CSF2RA: variants seen among roughly 807,000 people sequenced by gnomAD.
CSF2RA encodes granulocyte-macrophage colony-stimulating factor receptor subunit alpha.
A neutral mutation model predicts 51.6 loss-of-function variants in CSF2RA; 42 were observed. The ratio of observed to expected loss-of-function variants is 0.81; its 90% CI spans 0.64 to 1.05. CSF2RA has a LOEUF of 1.05. CSF2RA is among the 50% of genes least tolerant of loss of function. The pLI, the probability that CSF2RA is intolerant of heterozygous loss-of-function variation, is 0.00. For synonymous variants in CSF2RA, 222 were observed against 193.0 expected (o/e 1.15, Z -1.24); for missense variants, 530 against 501.1 (o/e 1.06, Z -0.55).
intron 4 of CSF2RA, among the ~76,000 whole-genome samples, chrX:1,286,964 C>A (rs1308684277): frequency 6.6e-6 from 1 of 151,370 alleles, no homozygotes; most frequent in Admixed American, 6.6e-5. Flanking sequence ...GAGGGAGAAA[C>A]ACAGAGAAAG....
chrX:1,322,549 C>T, the CSF2RA span, among the ~76,000 whole-genome samples: 1 of 144,744 alleles, frequency 6.9e-6, no homozygotes. Flanking sequence ...CCTCCAAGTT[C>T]AGTGCTCATT....
At chrX:1,319,291 C>A in the CSF2RA span, among the ~76,000 whole-genome samples, 1 of 139,266 alleles carries the variant, frequency 7.2e-6, no homozygotes, top group East Asian at 2.3e-4. Flanking sequence ...CCACCATGCC[C>A]GGCCTCCTTT....
chrX:1,276,231 A>G (rs1367148368), intron 2 of CSF2RA, among the ~76,000 whole-genome samples: 2 of 151,350 alleles, frequency 1.3e-5, no homozygotes, highest in African/African-American at 4.9e-5. Flanking sequence ...ACAGGGTTTC[A>G]CTATGTTGGC....
chrX:1,301,638 G>GCC (rs1482845378), intron 10 of CSF2RA, among the ~76,000 whole-genome samples: 7 of 133,244 alleles, frequency 5.3e-5, no homozygotes, highest in Non-Finnish European at 9.2e-5. Context: ...CGCTCTTGTC[G>GCC]CAGGCTGGAG....
chrX:1,303,857 G>A, intron 10 of CSF2RA, 66 bp from the exon 11 acceptor site: 2 of 1,352,384 alleles, frequency 1.5e-6, no homozygotes, highest in Non-Finnish European at 2.1e-6. Context: ...CACCCGAAGA[G>A]ATTTAATTTC....
chrX:1,303,728 T>C (rs1304678100), intron 10 of CSF2RA, among the ~76,000 whole-genome samples, 195 bp from the exon 11 acceptor site: 1 of 152,008 alleles, frequency 6.6e-6, no homozygotes, highest in Non-Finnish European at 1.5e-5. Context: ...GGGCAAAACA[T>C]AGGGCAGGCA....
Position 1,283,383 on chromosome X carries a change from CT to C in CSF2RA, c.76+607del, listed in dbSNP as rs1461446663. ...TCCTTCCTTCTTCCGTCCCTCCCTT[CT>C]TTCTTTCTCTTTCTTCCTTCCCTCC... On this transcript the variant is annotated intron_variant, in intron 3 of 12. Transcript: ENST00000381529. Among the ~76,000 whole-genome samples, 31 of 147,036 alleles carry C rather than the reference CT, an allele frequency of 2.1e-4. 1 individual carries two copies. The highest frequency in any genetic ancestry group is 7.9e-4 in the African/African-American group (31 of 39,142).
At chrX:1,305,576 G>A (rs1393480929) in intron 12 of CSF2RA, 49 bp downstream of exon 12, 2 of 1,613,968 alleles carry the variant, frequency 1.2e-6, no homozygotes, top group Admixed American at 1.7e-5. Context: ...GGTGGGGAGT[G>A]GGGAGCGTGG....
chrX:1,283,482 CTCTCTT>C (rs1481821248), intron 3 of CSF2RA, among the ~76,000 whole-genome samples: 38 of 120,098 alleles, frequency 3.2e-4, no homozygotes, highest in Middle Eastern at 3.9e-3. Flanking sequence ...CCCTCTCTCT[CTCTCTT>C]TCTTTCTTTC....
the CSF2RA span, among the ~76,000 whole-genome samples, chrX:1,323,864 A>C: frequency 8.0e-3 from 1,221 of 151,822 alleles, 14 homozygotes; most frequent in African/African-American, 0.028. Flanking sequence ...AATACAAAAA[A>C]TTAGCCGGGC....
At chrX:1,314,558 G>A (rs1239227609), downstream of CSF2RA, among the ~76,000 whole-genome samples, 10 of 87,854 alleles carry the variant, frequency 1.1e-4, no homozygotes, top group Admixed American at 3.6e-4. Flanking sequence ...CACTGCACCT[G>A]CCCAATCCCA....
intron 12 of CSF2RA, among the ~76,000 whole-genome samples, chrX:1,308,933 A>T (rs1184331685): frequency 6.6e-6 from 1 of 152,186 alleles, no homozygotes; most frequent in Non-Finnish European, 1.5e-5. Flanking sequence ...TCTTTACCCC[A>T]GGAAAAACCC....
intron 6 of CSF2RA, among the ~76,000 whole-genome samples, chrX:1,289,284 C>A (rs1352446576): frequency 6.6e-6 from 1 of 152,104 alleles, no homozygotes; most frequent in Non-Finnish European, 1.5e-5. Flanking sequence ...CACTCCACCA[C>A]ACCTGTCTAA....
chrX:1,288,130 A>G lies in CSF2RA; in HGVS notation c.220-389A>G, dbSNP rs770685801. 4.6e-5 allele frequency among the ~76,000 whole-genome samples: 7 copies of G among 151,982 alleles called. No individual in the cohort carries two copies. In the East Asian group the frequency reaches 1.4e-3, roughly 29 times the overall value. On this transcript the variant is annotated intron_variant, in intron 4 of 12. Transcript: ENST00000381529. ...GTATCCACTCAGAGCCCTCGGAGGA[A>G]GCTTAGGGGGATGATTTCACAAAGG...
At position 1,283,797 on chromosome X, in the gene CSF2RA, TGGCCTCAGGTGATCCCGTGCCTC is replaced by T. The variant is rs1364295045; in HGVS notation, c.76+1025_76+1047del. ...GTTGGCCAGGCTGGTCTCAATCTCC[TGGCCTCAGGTGATCCCGTGCCTC>T]GGCCTCCCAAAGTGCTAGGATTACA... On this transcript the variant is annotated intron_variant, in intron 3 of 12. Transcript: ENST00000381529. Among the ~76,000 whole-genome samples the T allele has an allele frequency of 3.9e-5, 6 of 151,994 alleles. No homozygotes were observed. In the East Asian group the frequency reaches 9.7e-4, roughly 24 times the overall value.
intron 12 of CSF2RA, among the ~76,000 whole-genome samples, chrX:1,307,511 CG>C (rs1453586594): frequency 8.9e-6 from 1 of 112,240 alleles, no homozygotes; most frequent in Non-Finnish European, 1.9e-5. Flanking sequence ...CCACTCTCCC[CG>C]TTTAGACCTT....
intron 12 of CSF2RA, among the ~76,000 whole-genome samples, chrX:1,306,938 AC>A (rs1399819234): frequency 6.6e-6 from 1 of 151,700 alleles, no homozygotes; most frequent in African/African-American, 2.4e-5. Context: ...GAGGAAAAAG[AC>A]AGAGAGGGAG....
the CSF2RA span, among the ~76,000 whole-genome samples, chrX:1,323,700 A>G: frequency 3.3e-5 from 5 of 151,708 alleles, no homozygotes; most frequent in Non-Finnish European, 5.9e-5. Context: ...CCTGGGCAAC[A>G]TAGTGAGACC....
At chrX:1,314,301 C>CACAGCA (rs1569514750), downstream of CSF2RA, among the ~76,000 whole-genome samples, 3 of 108,462 alleles carry the variant, frequency 2.8e-5, 1 homozygote, top group East Asian at 8.2e-4. Context: ...TGCCCAACCA[C>CACAGCA]TCTGTGCCTG....
Sources: gnomAD v4.1 joint callset for allele counts (sites outside exome capture counted in the v4.1 genomes callset) on GRCh38, gnomAD v4.1.1 for gene constraint, MANE v1.5 for transcripts, NCBI Gene and HGNC (gene_info 2026-07-23, HGNC 2026-07-21) for gene names.